DOCK3: variants seen among roughly 807,000 people sequenced by gnomAD.
DOCK3 encodes the protein dedicator of cytokinesis 3.
A neutral mutation model predicts 265.6 loss-of-function variants in DOCK3; 60 were observed. The ratio of observed to expected loss-of-function variants is 0.23; its 90% confidence interval spans 0.18 to 0.28. The LOEUF is 0.28. Ranked by LOEUF, DOCK3 falls within the 10% of genes least tolerant of loss-of-function variation. The probability of loss-of-function intolerance (pLI) is 1.00; values close to 1 mark genes in which losing one functional copy is unlikely to be tolerated. For synonymous variants in DOCK3, 881 were observed against 938.0 expected (o/e 0.94, Z 1.11); for missense variants, 1,981 against 2,594.3 (o/e 0.76, Z 5.14).
intron 1 of DOCK3, among the ~76,000 whole-genome samples, chr3:50,744,342 A>G (rs1028810987): frequency 2.0e-5 from 3 of 151,996 alleles, no homozygotes; most frequent in African/African-American, 7.2e-5. Context: ...AACCATTTCC[A>G]AATCTGATGT....
intron 40 of DOCK3, among the ~76,000 whole-genome samples, chr3:51,350,877 T>C (rs769140699): frequency 6.6e-6 from 1 of 152,218 alleles, no homozygotes; most frequent in Non-Finnish European, 1.5e-5. Context: ...TGAGAGAACC[T>C]GAAGAACACA....
chr3:50,708,370 A>G (rs190893050), intron 1 of DOCK3, among the ~76,000 whole-genome samples: 83 of 152,064 alleles, frequency 5.5e-4, no homozygotes, highest in Non-Finnish European at 4.6e-4. Context: ...TTTTCTCAGG[A>G]TATAGGGTGA....
At position 50,709,767 on chromosome 3, in the gene DOCK3, A is replaced by G. The variant is rs2036639652; in HGVS notation, c.37+34467A>G. On this transcript the variant is annotated intron_variant, in intron 1 of 52. Transcript: ENST00000266037. ...CTTGAACCCGCGAGGTGGAGGTTTC[A>G]GTGAGCTGAGATCACGCCATTGCAC... Among the ~76,000 whole-genome samples, 3 of 152,212 alleles carry G rather than the reference A, an allele frequency of 2.0e-5. No individual in the cohort carries two copies. The South Asian group carries it at 6.2e-4, about 31-fold the overall frequency.
chr3:50,691,283 C>CAAA (rs371533246), intron 1 of DOCK3, among the ~76,000 whole-genome samples: 1 of 64,334 alleles, frequency 1.6e-5, no homozygotes, highest in Non-Finnish European at 3.3e-5. Flanking sequence ...GACTCTGTCT[C>CAAA]AAAAAAAAAA....
intron 23 of DOCK3, among the ~76,000 whole-genome samples, chr3:51,269,892 A>G (rs2080407415): frequency 6.6e-6 from 1 of 152,116 alleles, no homozygotes; most frequent in Admixed American, 6.5e-5. Flanking sequence ...TCCCCATTTT[A>G]TAGATGGGGA....
At chr3:51,062,935 G>T (rs558598420) in intron 5 of DOCK3, among the ~76,000 whole-genome samples, 1 of 152,296 alleles carries the variant, frequency 6.6e-6, no homozygotes, top group African/African-American at 2.4e-5. Flanking sequence ...GAGCTGGCAG[G>T]AATTTGTGAG....
At chr3:51,304,274 G>A (rs964396297) in intron 27 of DOCK3, among the ~76,000 whole-genome samples, 2 of 152,086 alleles carry the variant, frequency 1.3e-5, no homozygotes, top group African/African-American at 4.8e-5. Context: ...ACTGAAGACT[G>A]GAGCTACAGT....
chr3:50,842,174 TTA>T (rs2045874496), intron 3 of DOCK3, among the ~76,000 whole-genome samples: 1 of 152,200 alleles, frequency 6.6e-6, no homozygotes, highest in Admixed American at 6.5e-5. Flanking sequence ...GTACTAGATT[TTA>T]TGTTTATTAC....
chr3:50,750,081 G>T (rs1314071064), intron 1 of DOCK3, among the ~76,000 whole-genome samples: 1 of 152,160 alleles, frequency 6.6e-6, no homozygotes, highest in Non-Finnish European at 1.5e-5. Context: ...ATCAGCAGGG[G>T]TGTTAGATTC....
At chr3:50,985,126 ACTT>A (rs1485154037) in intron 5 of DOCK3, among the ~76,000 whole-genome samples, 1 of 152,248 alleles carries the variant, frequency 6.6e-6, no homozygotes, top group Non-Finnish European at 1.5e-5. Flanking sequence ...TATGAGACTT[ACTT>A]CTTTCACTTT....
intron 5 of DOCK3, among the ~76,000 whole-genome samples, chr3:50,969,618 C>T (rs2077134179): frequency 6.6e-6 from 1 of 151,966 alleles, no homozygotes; most frequent in South Asian, 2.1e-4. Flanking sequence ...CAAGTATCAA[C>T]CTTTTGTTTT....
chr3:51,014,269 C>G (rs2108790455), intron 5 of DOCK3, among the ~76,000 whole-genome samples: 1 of 152,132 alleles, frequency 6.6e-6, no homozygotes, highest in Middle Eastern at 3.4e-3. Flanking sequence ...GAGCTGCAGA[C>G]CAGAGCTGTT....
At chr3:51,266,173 A>C (rs2080152887) in intron 23 of DOCK3, among the ~76,000 whole-genome samples, 1 of 152,236 alleles carries the variant, frequency 6.6e-6, no homozygotes. Flanking sequence ...TCAAGGAAAT[A>C]AGAGAGGACA....
chr3:51,317,831 C>A (rs937178311), intron 32 of DOCK3, among the ~76,000 whole-genome samples: 15 of 151,984 alleles, frequency 9.9e-5, no homozygotes, highest in Non-Finnish European at 2.2e-4. Flanking sequence ...TTGTGTGAAT[C>A]TCTTTCTAGA....
intron 5 of DOCK3, among the ~76,000 whole-genome samples, chr3:51,012,354 A>G (rs1575754411): frequency 6.6e-6 from 1 of 152,090 alleles, no homozygotes; most frequent in South Asian, 2.1e-4. Context: ...AATGGCAGGC[A>G]CCCTCCTCCA....
chr3:51,064,110 T>C (rs73085286), intron 5 of DOCK3, among the ~76,000 whole-genome samples: 1 of 152,346 alleles, frequency 6.6e-6, no homozygotes, highest in Non-Finnish European at 1.5e-5. Flanking sequence ...AACTGCAACT[T>C]CTGTGAGGGA....
intron 46 of DOCK3, 151 bp from the exon 47 acceptor site, chr3:51,360,360 C>T: frequency 9.6e-7 from 1 of 1,043,290 alleles, no homozygotes; most frequent in Admixed American, 2.4e-5. Context: ...GAGGGCATTG[C>T]CCAAAGGAAG....
chr3:50,751,394 G>C (rs569209968), intron 1 of DOCK3, among the ~76,000 whole-genome samples: 2 of 152,150 alleles, frequency 1.3e-5, no homozygotes, highest in African/African-American at 4.8e-5. Context: ...CATGCATCAG[G>C]TATTTGTCCT....
At chr3:50,751,464 C>G in intron 1 of DOCK3, among the ~76,000 whole-genome samples, 1 of 152,100 alleles carries the variant, frequency 6.6e-6, no homozygotes, top group Non-Finnish European at 1.5e-5. Context: ...ATGTTCCCCT[C>G]CCTGTGCCCA....
Sources: allele counts gnomAD v4.1 joint callset (sites outside exome capture counted in the v4.1 genomes callset), GRCh38; gene constraint gnomAD v4.1.1; transcripts MANE v1.5; gene names NCBI Gene and HGNC (gene_info 2026-07-23, HGNC 2026-07-21).